The following OSBPL10 variants were observed in gnomAD, a reference collection of about 807,000 sequenced individuals.
OSBPL10 encodes oxysterol-binding protein-related protein 10.
A neutral mutation model predicts 81.7 loss-of-function variants in OSBPL10; 49 were observed. That is an observed-to-expected ratio of 0.60 (90% CI 0.48 to 0.76). The LOEUF is 0.76. Ranked by LOEUF, OSBPL10 falls within the 30% of genes least tolerant of loss-of-function variation. The pLI, the probability that OSBPL10 is intolerant of heterozygous loss-of-function variation, is 0.00. For missense variants in OSBPL10, 923 were observed against 987.8 expected (o/e 0.93, Z 0.88); for synonymous variants, 419 against 383.6 (o/e 1.09, Z -1.08).
intron 4 of OSBPL10, among the ~76,000 whole-genome samples, chr3:31,749,004 GA>G (rs1288623673): frequency 1.3e-5 from 2 of 152,222 alleles, no homozygotes; most frequent in African/African-American, 4.8e-5. Context: ...GCGAGTCTAA[GA>G]AGTGGAGGAG....
rs540069034 is a variant in OSBPL10 at position 32,075,054 on chromosome 3, C to T, written n.185+2342G>A. On this transcript the variant is annotated intron_variant and non_coding_transcript_variant, in intron 1 of 3. Transcript: ENST00000479173. ...ACTAATCCCTTTACTTGTGGGTCTA[C>T]GACTTTCTGCTTCCACTATTGTACT... Among the ~76,000 whole-genome samples the T allele has an allele frequency of 1.1e-4, 16 of 150,184 alleles. No individual in the cohort carries two copies. The South Asian group carries it at 1.7e-3, about 16-fold the overall frequency.
intron 10 of OSBPL10, among the ~76,000 whole-genome samples, chr3:31,665,510 A>G (rs1700167998): frequency 6.6e-6 from 1 of 152,172 alleles, no homozygotes; most frequent in African/African-American, 2.4e-5. Flanking sequence ...GGACAGACAG[A>G]TGGGGCTGCC....
chr3:31,960,854 T>C (rs999993463), intron 1 of OSBPL10, among the ~76,000 whole-genome samples: 1 of 152,078 alleles, frequency 6.6e-6, no homozygotes, highest in Non-Finnish European at 1.5e-5. Flanking sequence ...AACCATCCTC[T>C]TTATCCTCTT....
At chr3:32,037,040 T>C (rs915064138) in intron 2 of OSBPL10, among the ~76,000 whole-genome samples, 1 of 152,184 alleles carries the variant, frequency 6.6e-6, no homozygotes, top group East Asian at 1.9e-4. Context: ...TCTGTAACCA[T>C]TCAGTGACAA....
chr3:31,983,667 AC>A (rs1698894081), upstream of OSBPL10, among the ~76,000 whole-genome samples: 1 of 152,086 alleles, frequency 6.6e-6, no homozygotes, highest in Admixed American at 6.6e-5. Context: ...TGCTCTCTTC[AC>A]CCGGTTTGTG....
At chr3:31,993,693 C>CACAT (rs1357243838) in intron 2 of OSBPL10, among the ~76,000 whole-genome samples, 3 of 151,914 alleles carry the variant, frequency 2.0e-5, no homozygotes, top group Admixed American at 6.6e-5. Context: ...CACACACACA[C>CACAT]ACACACACAC....
In OSBPL10 at chr3:31,754,109, A is replaced by G. The variant is rs143634552; in HGVS notation, c.730-5989T>C. 5.7e-3 allele frequency among the ~76,000 whole-genome samples: 866 copies of G among 152,110 alleles called. 9 individuals are homozygous for G. The highest frequency in any genetic ancestry group is 7.8e-3 in the Non-Finnish European group (533 of 67,996). On this transcript the variant is annotated intron_variant, in intron 4 of 11. Transcript: ENST00000396556. ...ATTCTACCTTCGCCCTTTAATTCCC[A>G]GCCTATGTCTCTTGTTCTACACCTC...
intron 1 of OSBPL10, among the ~76,000 whole-genome samples, chr3:32,048,234 G>A (rs965891877): frequency 1.3e-5 from 2 of 150,946 alleles, no homozygotes; most frequent in African/African-American, 4.9e-5. Flanking sequence ...TCATCCCTCT[G>A]CTCAAAATAT....
At chr3:31,848,127 C>G (rs75656903) in intron 3 of OSBPL10, among the ~76,000 whole-genome samples, 2,437 of 152,250 alleles carry the variant, frequency 0.016, 64 homozygotes, top group African/African-American at 0.053. Flanking sequence ...TCAGGCTTGA[C>G]TTCAGGGGAC....
At chr3:31,911,968 T>C (rs1299753206) in intron 1 of OSBPL10, among the ~76,000 whole-genome samples, 1 of 152,190 alleles carries the variant, frequency 6.6e-6, no homozygotes, top group Non-Finnish European at 1.5e-5. Flanking sequence ...AAGCATTGAT[T>C]AAAAATGGTA....
intron 1 of OSBPL10, among the ~76,000 whole-genome samples, chr3:31,886,877 T>G (rs1695751116): frequency 6.6e-6 from 1 of 151,750 alleles, no homozygotes; most frequent in African/African-American, 2.4e-5. Context: ...GAGGCAGGGC[T>G]GCAGTGAGCC....
intron 8 of OSBPL10, among the ~76,000 whole-genome samples, chr3:31,682,906 C>T (rs1700688045): frequency 6.6e-6 from 1 of 152,054 alleles, no homozygotes. Flanking sequence ...GGAAGGGCTT[C>T]TAAGGAGCCA....
intron 4 of OSBPL10, among the ~76,000 whole-genome samples, chr3:31,780,360 T>C (rs1201855623): frequency 1.3e-5 from 2 of 151,720 alleles, no homozygotes; most frequent in Non-Finnish European, 2.9e-5. Flanking sequence ...ATGCCTACAT[T>C]GGAAAATTTG....
chr3:31,770,031 A>G (rs1043057632), intron 4 of OSBPL10, among the ~76,000 whole-genome samples: 2 of 152,208 alleles, frequency 1.3e-5, no homozygotes, highest in African/African-American at 4.8e-5. Context: ...CTCCTAAGGA[A>G]AGAGTCCTTG....
At chr3:31,667,836 A>G (rs890143430) in intron 10 of OSBPL10, among the ~76,000 whole-genome samples, 1 of 152,262 alleles carries the variant, frequency 6.6e-6, no homozygotes, top group East Asian at 1.9e-4. Context: ...CCCACAGGCC[A>G]TAGTTTGCTG....
intron 1 of OSBPL10, among the ~76,000 whole-genome samples, chr3:31,927,021 G>T (rs538577558): frequency 2.0e-5 from 3 of 152,308 alleles, no homozygotes; most frequent in African/African-American, 7.2e-5. Flanking sequence ...TGAGGCAGGA[G>T]AATAGCTTGA....
At chr3:31,693,196 G>A (rs75438354) in intron 7 of OSBPL10, among the ~76,000 whole-genome samples, 5,884 of 152,242 alleles carry the variant, frequency 0.039, 391 homozygotes, top group African/African-American at 0.13. Context: ...TCTCTGCCTT[G>A]TGGGGTTCAT....
Position 31,774,162 on chromosome 3 carries a change from C to CA in OSBPL10, c.730-26043dup, listed in dbSNP as rs550791243. On this transcript the variant is annotated intron_variant, in intron 4 of 11. Coordinates refer to ENST00000396556, the MANE Select transcript of OSBPL10 (RefSeq NM_017784.5). Reference sequence around the variant, plus strand: ...GGGCAACAAGAGCAAAACTCCATCTCAAAAAAAAAAAAAAAAAGAAAGACA... The same window carrying CA: ...GGGCAACAAGAGCAAAACTCCATCTCAAAAAAAAAAAAAAAAAAGAAAGACA... 9.2e-3 allele frequency among the ~76,000 whole-genome samples: 746 copies of CA among 81,348 alleles called. 4 individuals carry two copies. The highest frequency in any genetic ancestry group is 0.049 in the Middle Eastern group (6 of 122). 53.4% of individuals were successfully genotyped at this position (81,348 alleles called of 152,430 possible). A position where few individuals can be genotyped will look rare whatever the true frequency, so the allele number is the denominator to read the frequency against.
At chr3:31,902,255 AGTATTT>A (rs1176809486) in intron 1 of OSBPL10, among the ~76,000 whole-genome samples, 7 of 123,410 alleles carry the variant, frequency 5.7e-5, no homozygotes, top group African/African-American at 9.2e-5. Context: ...GCTTCTTGTC[AGTATTT>A]TTTTTTTTTT....
Sources: allele counts gnomAD v4.1 joint callset (sites outside exome capture counted in the v4.1 genomes callset), GRCh38; gene constraint gnomAD v4.1.1; transcripts MANE v1.5; gene names NCBI Gene and HGNC (gene_info 2026-07-23, HGNC 2026-07-21).